Variants in PCBP3 observed in about 807,000 individuals in gnomAD.
PCBP3 encodes poly(rC)-binding protein 3.
In PCBP3, 25 loss-of-function variants were observed where a neutral mutation model predicts 52.7. The ratio of observed to expected loss-of-function variants is 0.47; its 90% CI spans 0.35 to 0.66. The LOEUF (loss-of-function observed/expected upper bound fraction) is 0.66. Among genes scored for constraint, PCBP3 ranks in the 30% least tolerant of loss-of-function variants. PCBP3 has a pLI of 0.01. For synonymous variants in PCBP3, 162 were observed against 183.0 expected (o/e 0.89, Z 0.93); for missense variants, 391 against 490.3 (o/e 0.80, Z 1.91).
At chr21:45,806,843 A>G (rs1419530729) in intron 4 of PCBP3, among the ~76,000 whole-genome samples, 2 of 152,076 alleles carry the variant, frequency 1.3e-5, no homozygotes, top group Non-Finnish European at 2.9e-5. Context: ...CCCTCTCCAG[A>G]TGCCGGCCTC....
chr21:45,749,151 CAG>C (rs1280559051), intron 3 of PCBP3, among the ~76,000 whole-genome samples: 2 of 152,100 alleles, frequency 1.3e-5, no homozygotes, highest in Non-Finnish European at 2.9e-5. Context: ...AGTAAAGAAA[CAG>C]AGACTAAAGA....
chr21:45,870,178 T>C (rs1304006110), intron 5 of PCBP3, among the ~76,000 whole-genome samples: 3 of 152,220 alleles, frequency 2.0e-5, no homozygotes, highest in African/African-American at 7.2e-5. Flanking sequence ...CAACATTTAT[T>C]ATCTTCTGGG....
chr21:45,937,899 G>A (rs2077048515), intron 16 of PCBP3, among the ~76,000 whole-genome samples: 2 of 152,266 alleles, frequency 1.3e-5, no homozygotes, highest in African/African-American at 2.4e-5. Context: ...GGTTAGGCGG[G>A]CATGCCCTGG....
intron 5 of PCBP3, among the ~76,000 whole-genome samples, chr21:45,852,945 A>G (rs1409994900): frequency 1.3e-5 from 2 of 152,282 alleles, no homozygotes; most frequent in Non-Finnish European, 2.9e-5. Context: ...AAGAAGAAGT[A>G]CAAAAGGCTG....
chr21:45,770,237 A>G (rs2145784629), intron 4 of PCBP3, among the ~76,000 whole-genome samples: 1 of 152,336 alleles, frequency 6.6e-6, no homozygotes, highest in East Asian at 1.9e-4. Context: ...TGAAATTTTG[A>G]TCATTTCTTC....
intron 4 of PCBP3, among the ~76,000 whole-genome samples, chr21:45,799,839 A>G (rs1297690410): frequency 6.6e-6 from 1 of 152,208 alleles, no homozygotes; most frequent in East Asian, 1.9e-4. Context: ...GCAGAATATG[A>G]TTAAAAAATA....
At chr21:45,912,687 G>A (rs919702445) in intron 11 of PCBP3, among the ~76,000 whole-genome samples, 2 of 152,186 alleles carry the variant, frequency 1.3e-5, no homozygotes, top group Admixed American at 6.5e-5. Flanking sequence ...CACAGGTCAG[G>A]GTCAGCTGGG....
At chr21:45,849,854 G>T (rs2093926583) in intron 4 of PCBP3, 107 bp from the exon 5 acceptor site, 7 of 565,948 alleles carry the variant, frequency 1.2e-5, no homozygotes, top group South Asian at 4.2e-5. Context: ...TGCTGAAGAG[G>T]TGTTGACTGC....
intron 4 of PCBP3, among the ~76,000 whole-genome samples, chr21:45,774,240 T>TA (rs962132424): frequency 1.4e-4 from 21 of 150,020 alleles, no homozygotes; most frequent in Admixed American, 2.7e-4. Context: ...CCATATCTAC[T>TA]AAAAAAAAAT....
intron 4 of PCBP3, among the ~76,000 whole-genome samples, chr21:45,806,709 G>A (rs1317987055): frequency 6.6e-6 from 1 of 151,940 alleles, no homozygotes; most frequent in South Asian, 2.1e-4. Context: ...ACCCCAAAGG[G>A]CCAGGGACCC....
intron 2 of PCBP3, among the ~76,000 whole-genome samples, chr21:45,717,694 T>C (rs1011110395): frequency 2.0e-5 from 3 of 152,236 alleles, no homozygotes; most frequent in Admixed American, 2.0e-4. Context: ...CACTTGATTA[T>C]AGTGTGTAAT....
At chr21:45,933,017 C>T (rs1174388074) in intron 15 of PCBP3, among the ~76,000 whole-genome samples, 1 of 151,618 alleles carries the variant, frequency 6.6e-6, no homozygotes, top group Non-Finnish European at 1.5e-5. Context: ...GCCATGCTGT[C>T]TTGAGATGAA....
At chr21:45,935,481 C>G (rs1251892916) in intron 16 of PCBP3, 176 bp downstream of exon 16, 58 of 698,034 alleles carry the variant, frequency 8.3e-5, no homozygotes, top group Non-Finnish European at 1.3e-4. Flanking sequence ...GGTTTAATGC[C>G]CATAAAAAGT....
chr21:45,666,016 A>T (rs2080771187), intron 1 of PCBP3, among the ~76,000 whole-genome samples: 1 of 152,246 alleles, frequency 6.6e-6, no homozygotes. Flanking sequence ...ATTAAAAACA[A>T]AAGCCATATG....
intron 13 of PCBP3, among the ~76,000 whole-genome samples, chr21:45,919,865 G>GTGTGTGGCAGGGGTA (rs2074180744): frequency 2.6e-5 from 4 of 152,338 alleles, no homozygotes; most frequent in Middle Eastern, 3.4e-3. Context: ...CCCCGTGCAT[G>GTGTGTGGCAGGGGTA]TGTGTGGCAG....
rs559179476 is a variant in PCBP3 at position 45,791,236 on chromosome 21, T to C, written c.-126+35784T>C. 8.5e-5 allele frequency among the ~76,000 whole-genome samples: 13 copies of C among 152,294 alleles called. No homozygotes were observed. The East Asian group carries it at 2.5e-3, about 29-fold the overall frequency. On this transcript the variant is annotated intron_variant, in intron 4 of 17. Transcript: ENST00000681687. The surrounding 1 kb of genome is among the most constrained non-coding windows in gnomAD (Gnocchi z 4.2). ...ATGAGATATGCATATTTATATGTTT[T>C]TGATGTACGATAAAAGGCAGTTTCA...
chr21:45,714,566 A>G (rs2084084244), intron 2 of PCBP3, among the ~76,000 whole-genome samples: 1 of 152,248 alleles, frequency 6.6e-6, no homozygotes, highest in Non-Finnish European at 1.5e-5. Flanking sequence ...AAAGGGATTA[A>G]TATCAAAGAT....
At chr21:45,690,505 C>A (rs1282693938) in intron 2 of PCBP3, among the ~76,000 whole-genome samples, 1 of 152,042 alleles carries the variant, frequency 6.6e-6, no homozygotes, top group Non-Finnish European at 1.5e-5. Flanking sequence ...AAATTCTGTT[C>A]TTTGCAAGAC....
rs114652396 is a variant in PCBP3 at position 45,780,470 on chromosome 21, C to T, written c.-126+25018C>T. The stretch of plus-strand genomic sequence containing the variant: ...ACAGGCAGTCTAATGCCTACTTAGG[C>T]ACCTGGTCCAACCTGTGACGAGGTG... On this transcript the variant is annotated intron_variant, in intron 4 of 17. Transcript: ENST00000681687. 6.6e-3 allele frequency among the ~76,000 whole-genome samples: 1,007 copies of T among 152,338 alleles called. 7 individuals are homozygous for T. Among genetic ancestry groups the T allele is most frequent in the African/African-American group, 0.023 (957 of 41,572 alleles).
Sources: allele counts gnomAD v4.1 joint callset (sites outside exome capture counted in the v4.1 genomes callset), GRCh38; gene constraint gnomAD v4.1.1; non-coding constraint Gnocchi (gnomAD v3.1); transcripts MANE v1.5; gene names NCBI Gene and HGNC (gene_info 2026-07-23, HGNC 2026-07-21).